ANKRD13A: variants seen among roughly 807,000 people sequenced by gnomAD.
ANKRD13A encodes the protein ankyrin repeat domain-containing protein 13A.
ANKRD13A carries 48 observed loss-of-function variants against 81.3 expected under a neutral mutation model. The ratio of observed to expected loss-of-function variants is 0.59; its 90% CI spans 0.47 to 0.75. The LOEUF (loss-of-function observed/expected upper bound fraction) is 0.75, where lower values mean the gene tolerates loss of function less well. Ranked by LOEUF, ANKRD13A falls within the 30% of genes least tolerant of loss-of-function variation. ANKRD13A has a pLI of 0.00. For synonymous variants in ANKRD13A, 230 were observed against 270.1 expected (o/e 0.85, Z 1.45); for missense variants, 612 against 734.0 (o/e 0.83, Z 1.92).
At chr12:110,027,460 A>G in intron 8 of ANKRD13A, 1 of 458,976 alleles carries the variant, frequency 2.2e-6, no homozygotes, top group Non-Finnish European at 4.0e-6. Context: ...GCTCACTCCA[A>G]AATCCAGACT....
Position 109,999,885 on chromosome 12 carries a change from C to T in ANKRD13A, c.96+101C>T, listed in dbSNP as rs142171033. The T allele has an allele frequency of 4.4e-5, 47 of 1,073,160 alleles. No individual in the cohort carries two copies. In the African/African-American group the frequency reaches 6.3e-4, roughly 14 times the overall value. 66.5% of individuals were successfully genotyped at this position (1,073,160 alleles called of 1,614,324 possible). Reference sequence around the variant, plus strand: ...ATTTCCAGCCCTCTGTCCCCGGGATCCCCAGACCCCTTCCACTTTGCAGGT... The same window carrying T: ...ATTTCCAGCCCTCTGTCCCCGGGATTCCCAGACCCCTTCCACTTTGCAGGT... On this transcript the variant is annotated intron_variant, in intron 1 of 14. Transcript: ENST00000261739. This position sits in a 1 kb window ranked among gnomAD's most constrained non-coding sequence, Gnocchi z 4.3.
chr12:110,024,221 G>T, intron 7 of ANKRD13A, 109 bp downstream of exon 7: 1 of 970,144 alleles, frequency 1.0e-6, no homozygotes. Context: ...GATGCTCTGG[G>T]GAATGAGAAC....
At chr12:110,027,163 A>C (rs1385576174) in intron 8 of ANKRD13A, 1 of 153,144 alleles carries the variant, frequency 6.5e-6, no homozygotes, top group Non-Finnish European at 1.5e-5. Context: ...GCCCCATCCC[A>C]GCCCCACCAG....
At chr12:110,014,319 G>A (rs1039205088) in intron 3 of ANKRD13A, among the ~76,000 whole-genome samples, 13 of 152,188 alleles carry the variant, frequency 8.5e-5, no homozygotes, top group African/African-American at 3.1e-4. Context: ...GGCTGAGGCA[G>A]GAGAATGCTG....
rs1892166564 is a variant in ANKRD13A at position 110,037,950 on chromosome 12, C to CA, written c.*397dup. The CA allele has an allele frequency of 6.2e-6, 1 of 160,148 alleles. No homozygotes were observed. Among genetic ancestry groups the CA allele is most frequent in the African/African-American group, 2.4e-5 (1 of 41,578 alleles). 9.9% of individuals were successfully genotyped at this position (160,148 alleles called of 1,614,324 possible). A position where few individuals can be genotyped will look rare whatever the true frequency, so the allele number is the denominator to read the frequency against. ...GTCAGGGTGCTTTTATATATAAGAG[C>CA]AGCAGCCGCCTTTGTAAAGTGTGAT... On this transcript the variant is annotated 3_prime_UTR_variant, in exon 15 of 15. Coordinates refer to ENST00000261739, the MANE Select transcript of ANKRD13A (RefSeq NM_033121.2).
intron 12 of ANKRD13A, chr12:110,032,318 C>T (rs773805828): frequency 3.3e-5 from 5 of 152,076 alleles, no homozygotes; most frequent in Non-Finnish European, 7.4e-5. Context: ...TCATGATGGT[C>T]CTATGTTTCT....
intron 1 of ANKRD13A, among the ~76,000 whole-genome samples, chr12:110,010,737 A>G (rs1890475973): frequency 6.6e-6 from 1 of 152,186 alleles, no homozygotes; most frequent in Non-Finnish European, 1.5e-5. Context: ...AGTTATCTTC[A>G]CTGTATAATA....
chr12:110,022,274 C>G (rs762137783), intron 6 of ANKRD13A: 1 of 152,046 alleles, frequency 6.6e-6, no homozygotes, highest in Non-Finnish European at 1.5e-5. Flanking sequence ...ACGGTGAAAC[C>G]CCATATCTAC....
At chr12:110,013,293 T>C in intron 3 of ANKRD13A, 44 bp downstream of exon 3, 1 of 1,609,482 alleles carries the variant, frequency 6.2e-7, no homozygotes. Flanking sequence ...AGCTAAATGC[T>C]GATACAATTA....
chr12:110,015,173 G>GTA (rs1890730552), intron 3 of ANKRD13A, among the ~76,000 whole-genome samples: 1 of 152,124 alleles, frequency 6.6e-6, no homozygotes, highest in African/African-American at 2.4e-5. Context: ...GGCTGCTGTG[G>GTA]TAGTTTAAAA....
At chr12:110,003,313 A>G (rs1890074198) in intron 1 of ANKRD13A, among the ~76,000 whole-genome samples, 1 of 152,086 alleles carries the variant, frequency 6.6e-6, no homozygotes, top group Non-Finnish European at 1.5e-5. Context: ...TGGGGTTCTC[A>G]CTCCAGCCTG....
At chr12:110,021,805 T>C (rs1382604741) in intron 6 of ANKRD13A, 1 of 152,260 alleles carries the variant, frequency 6.6e-6, no homozygotes, top group Non-Finnish European at 1.5e-5. Flanking sequence ...ATTAATACCC[T>C]GCCCTGATGA....
chr12:110,027,827 T>G (rs541093161), intron 9 of ANKRD13A, 61 bp downstream of exon 9: 2 of 1,563,596 alleles, frequency 1.3e-6, no homozygotes, highest in Admixed American at 3.3e-5. Context: ...TGTCTGTGTC[T>G]GGGATGGCAT....
At position 109,999,457 on chromosome 12, in the gene ANKRD13A, G is replaced by C. The variant is rs375783870; in HGVS notation, c.-232G>C. The C allele has an allele frequency of 1.3e-5, 3 of 238,620 alleles. No homozygotes were observed. Among genetic ancestry groups the C allele is most frequent in the Admixed American group, 5.6e-5 (1 of 17,810 alleles). The allele number at this position is 238,620 out of a possible 1,614,324, so 14.8% of individuals were successfully genotyped here. On this transcript the variant is annotated 5_prime_UTR_variant, in exon 1 of 15. Coordinates refer to ENST00000261739, the MANE Select transcript of ANKRD13A (RefSeq NM_033121.2). The surrounding 1 kb of genome is among the most constrained non-coding windows in gnomAD (Gnocchi z 4.3). ...AAGTCTGTCCGCGAGCTGTCAGCGCGGGCGGGAACGCCGCGGGGCGCGGGG... is the reference window on the plus strand; with the variant it reads ...AAGTCTGTCCGCGAGCTGTCAGCGCCGGCGGGAACGCCGCGGGGCGCGGGG...
chr12:110,020,666 TCTG>T (rs370824142), intron 6 of ANKRD13A, among the ~76,000 whole-genome samples: 2 of 152,196 alleles, frequency 1.3e-5, no homozygotes, highest in South Asian at 4.1e-4. Context: ...CGCATACCCT[TCTG>T]CAGACAGGGA....
chr12:110,037,668 A>AGGTGCAGG lies in ANKRD13A; in HGVS notation c.*114_*115insGGTGCAGG. 1 of 1,064,804 alleles carries AGGTGCAGG rather than the reference A, an allele frequency of 9.4e-7. No homozygotes were observed. The highest frequency in any genetic ancestry group is 1.3e-6 in the Non-Finnish European group (1 of 753,686). 66.0% of individuals were successfully genotyped at this position (1,064,804 alleles called of 1,614,324 possible). A position where few individuals can be genotyped will look rare whatever the true frequency, so the allele number is the denominator to read the frequency against. ...GCACCTTGCGTGCATGCAGCAGGCA[A>AGGTGCAGG]CAACTGCCCCTTCTTTATGCAGAGG... On this transcript the variant is annotated 3_prime_UTR_variant, in exon 15 of 15. Coordinates refer to ENST00000261739, the MANE Select transcript of ANKRD13A (RefSeq NM_033121.2).
At position 110,012,152 on chromosome 12, in the gene ANKRD13A, A is replaced by G. The variant is rs1166472372; in HGVS notation, c.229+15A>G. 6.3e-7 allele frequency: 1 copy of G among 1,592,288 alleles called. No homozygotes were observed. Among genetic ancestry groups the G allele is most frequent in the Admixed American group, 1.7e-5 (1 of 59,378 alleles). The stretch of plus-strand genomic sequence containing the variant: ...GGGATGGACAGGTAAGTATACTTTT[A>G]CAATAATTTAAAGTCCGTCTGAGCA... On this transcript the variant is annotated intron_variant, in intron 2 of 14. Coordinates refer to ENST00000261739, the MANE Select transcript of ANKRD13A (RefSeq NM_033121.2).
intron 8 of ANKRD13A, 134 bp downstream of exon 8, chr12:110,025,957 T>A: frequency 4.7e-6 from 3 of 637,980 alleles, no homozygotes; most frequent in Non-Finnish European, 5.1e-6. Flanking sequence ...TTCTTCTCTC[T>A]CTCTCTCTTT....
chr12:110,013,075 G>A, intron 2 of ANKRD13A, 50 bp from the exon 3 acceptor site: 1 of 1,606,138 alleles, frequency 6.2e-7, no homozygotes, highest in Middle Eastern at 1.7e-4. Flanking sequence ...GCCTGGTTTT[G>A]GAATTTGTCA....
Sources: gnomAD v4.1 joint callset for allele counts (sites outside exome capture counted in the v4.1 genomes callset) on GRCh38, gnomAD v4.1.1 for gene constraint, Gnocchi (gnomAD v3.1) non-coding constraint, MANE v1.5 for transcripts, NCBI Gene and HGNC (gene_info 2026-07-23, HGNC 2026-07-21) for gene names.